KIF26B: variants seen among roughly 807,000 people sequenced by gnomAD.
The protein encoded by KIF26B is kinesin family member 26B.
Under a neutral mutation model 151.2 loss-of-function variants are expected in KIF26B, and 63 were observed. The observed-to-expected ratio is 0.42, with a 90% CI of 0.34 to 0.51. The LOEUF (loss-of-function observed/expected upper bound fraction) is 0.51, where lower values mean the gene tolerates loss of function less well. KIF26B is among the 20% of genes least tolerant of loss of function. The probability of loss-of-function intolerance (pLI) is 0.07; values close to 1 mark genes in which losing one functional copy is unlikely to be tolerated. For synonymous variants in KIF26B, 1,357 were observed against 1,262.1 expected (o/e 1.08, Z -1.59); for missense variants, 2,813 against 2,913.6 (o/e 0.97, Z 0.79).
Position 245,707,119 on chromosome 1 carries a change from AAAT to A in KIF26B, c.*4514_*4516del, listed in dbSNP as rs1445178550. The A allele has an allele frequency of 6.6e-6, 1 of 152,194 alleles. No individual in the cohort carries two copies. The highest frequency in any genetic ancestry group is 2.4e-5 in the African/African-American group (1 of 41,434). 9.4% of individuals were successfully genotyped at this position (152,194 alleles called of 1,614,324 possible). The stretch of plus-strand genomic sequence containing the variant: ...GTCATTTAAGCTCATCTTCTCAAAA[AAAT>A]TTTTTCTGAAAATTCCTGGAAACTA... On this transcript the variant is annotated 3_prime_UTR_variant, in exon 15 of 15. Coordinates refer to ENST00000407071, the MANE Select transcript of KIF26B (RefSeq NM_018012.4).
chr1:245,182,436 AC>A (rs1384894449), intron 2 of KIF26B, among the ~76,000 whole-genome samples: 1 of 152,088 alleles, frequency 6.6e-6, no homozygotes, highest in Non-Finnish European at 1.5e-5. Context: ...GTAATATTCC[AC>A]TGTATAAACA....
chr1:245,290,244 T>C (rs1671234135), intron 2 of KIF26B, among the ~76,000 whole-genome samples: 1 of 152,188 alleles, frequency 6.6e-6, no homozygotes, highest in Admixed American at 6.5e-5. Flanking sequence ...TATACCTTAC[T>C]CATGTCTGCA....
At chr1:245,289,812 C>T (rs1187923285) in intron 2 of KIF26B, among the ~76,000 whole-genome samples, 2 of 152,180 alleles carry the variant, frequency 1.3e-5, no homozygotes, top group Non-Finnish European at 2.9e-5. Context: ...GGAAACAATA[C>T]ATGTTATCCT....
At position 245,540,781 on chromosome 1, in the gene KIF26B, T is replaced by C; in HGVS notation, c.1181T>C (p.Leu394Ser). Residue 394 changes from leucine to serine, a missense_variant, in exon 5 of 15, where the codon TTA becomes TCA. This residue lies in a region of KIF26B where 676 missense variants were observed against 688.1 expected (regional missense o/e 0.98). Transcript: ENST00000407071. The surrounding 1 kb of genome is among the most constrained non-coding windows in gnomAD (Gnocchi z 4.6). ...ASFFARAAQKLNLSSKKKKHR... is the reference protein window; with the variant it reads ...ASFFARAAQKSNLSSKKKKHR... Reference sequence around the variant, plus strand: ...TTCCACTCCAGAGCTGCCCAGAAGTTAAATCTGTCTTCTAAAAAGAAGAAA... The same window carrying C: ...TTCCACTCCAGAGCTGCCCAGAAGTCAAATCTGTCTTCTAAAAAGAAGAAA... 6.2e-7 allele frequency: 1 copy of C among 1,613,914 alleles called. No individual in the cohort carries two copies. The highest frequency in any genetic ancestry group is 8.5e-7 in the Non-Finnish European group (1 of 1,179,820).
At chr1:245,515,320 A>G (rs1660936845) in intron 4 of KIF26B, among the ~76,000 whole-genome samples, 2 of 151,962 alleles carry the variant, frequency 1.3e-5, no homozygotes, top group East Asian at 1.9e-4. Flanking sequence ...TGGCACCTAC[A>G]TCTCTCCACG....
intron 3 of KIF26B, among the ~76,000 whole-genome samples, chr1:245,398,446 T>G (rs1449648299): frequency 6.6e-6 from 1 of 152,120 alleles, no homozygotes; most frequent in African/African-American, 2.4e-5. Context: ...TGGCAGAGAC[T>G]CCTCCTGTAT....
chr1:245,484,126 C>T (rs1323098274), intron 4 of KIF26B, among the ~76,000 whole-genome samples: 1 of 151,740 alleles, frequency 6.6e-6, no homozygotes, highest in Non-Finnish European at 1.5e-5. Flanking sequence ...CTGCTTACAC[C>T]TCAAAGATGT....
At chr1:245,581,684 C>T (rs967847070) in intron 5 of KIF26B, among the ~76,000 whole-genome samples, 4 of 152,128 alleles carry the variant, frequency 2.6e-5, no homozygotes, top group Admixed American at 2.0e-4. Context: ...GTGGATGCTA[C>T]GCTGGCTTCA....
At chr1:245,255,859 C>G (rs1306773014) in intron 2 of KIF26B, among the ~76,000 whole-genome samples, 1 of 152,132 alleles carries the variant, frequency 6.6e-6, no homozygotes, top group African/African-American at 2.4e-5. Flanking sequence ...CAGAGAGTAG[C>G]AATTTCTAAA....
At chr1:245,255,506 G>A (rs1382756427) in intron 2 of KIF26B, among the ~76,000 whole-genome samples, 1 of 152,176 alleles carries the variant, frequency 6.6e-6, no homozygotes, top group Non-Finnish European at 1.5e-5. Context: ...ATTTTCACAT[G>A]CTCATTCTCA....
chr1:245,535,676 C>T (rs899754559), intron 4 of KIF26B, among the ~76,000 whole-genome samples: 1 of 152,212 alleles, frequency 6.6e-6, no homozygotes, highest in African/African-American at 2.4e-5. Context: ...GTCGCTTATA[C>T]TTATCAAGCT....
intron 2 of KIF26B, among the ~76,000 whole-genome samples, chr1:245,306,125 A>G (rs567352193): frequency 1.4e-4 from 21 of 152,316 alleles, no homozygotes; most frequent in Non-Finnish European, 2.5e-4. Flanking sequence ...TATTCATAAT[A>G]GCCCCCAAAT....
chr1:245,189,789 A>G (rs1669065008), intron 2 of KIF26B, among the ~76,000 whole-genome samples: 1 of 152,246 alleles, frequency 6.6e-6, no homozygotes, highest in Non-Finnish European at 1.5e-5. Context: ...GACACACATG[A>G]GACTGGGTAA....
At chr1:245,278,022 G>A (rs1670969417) in intron 2 of KIF26B, among the ~76,000 whole-genome samples, 1 of 152,150 alleles carries the variant, frequency 6.6e-6, no homozygotes, top group East Asian at 1.9e-4. Flanking sequence ...GAAGGGGTGG[G>A]GTGAAGTTAT....
chr1:245,375,189 C>G lies in KIF26B; in HGVS notation c.999+7822C>G, dbSNP rs1452095806. ...GCAACCTCCACCTCCCAGGTTCAAG[C>G]GATTCTCCTGCCTCAACCTCGGGAT... On this transcript the variant is annotated intron_variant, in intron 3 of 14. Coordinates refer to ENST00000407071, the MANE Select transcript of KIF26B (RefSeq NM_018012.4). The surrounding 1 kb of genome is among the most constrained non-coding windows in gnomAD (Gnocchi z 4.2). Among the ~76,000 whole-genome samples the G allele has an allele frequency of 1.3e-5, 2 of 152,112 alleles. No individual in the cohort carries two copies. The highest frequency in any genetic ancestry group is 2.1e-4 in the South Asian group (1 of 4,820).
intron 2 of KIF26B, among the ~76,000 whole-genome samples, chr1:245,240,351 A>G (rs1221297268): frequency 4.6e-5 from 7 of 152,198 alleles, no homozygotes; most frequent in Non-Finnish European, 1.0e-4. Context: ...TGGGTTGATC[A>G]GTCGCACCTT....
intron 9 of KIF26B, among the ~76,000 whole-genome samples, chr1:245,643,480 A>G (rs897929425): frequency 3.1e-4 from 47 of 152,348 alleles, no homozygotes; most frequent in African/African-American, 1.1e-3. Flanking sequence ...AAACCTTACA[A>G]TAGTATACTT....
chr1:245,236,436 A>G (rs1194048701), intron 2 of KIF26B, among the ~76,000 whole-genome samples: 1 of 152,238 alleles, frequency 6.6e-6, no homozygotes. Flanking sequence ...TATTGCGTAT[A>G]AAATGGCTTA....
Position 245,512,561 on chromosome 1 carries a change from A to G in KIF26B, c.1167-28206A>G, listed in dbSNP as rs573783587. On this transcript the variant is annotated intron_variant, in intron 4 of 14. Transcript: ENST00000407071. This position sits in a 1 kb window ranked among gnomAD's most constrained non-coding sequence, Gnocchi z 4.3. ...GTTTAACATCATCAAGGGCTGTAGC[A>G]CTGGGCACCCGAGGGGATCAGCCTA... 1.9e-4 allele frequency among the ~76,000 whole-genome samples: 29 copies of G among 152,330 alleles called. No individual in the cohort carries two copies. In the South Asian group the frequency reaches 5.8e-3, roughly 30 times the overall value.
Sources: allele counts gnomAD v4.1 joint callset (sites outside exome capture counted in the v4.1 genomes callset), GRCh38; gene constraint gnomAD v4.1.1; regional missense constraint gnomAD v4.1.1; non-coding constraint Gnocchi (gnomAD v3.1); transcripts MANE v1.5; gene names NCBI Gene and HGNC (gene_info 2026-07-23, HGNC 2026-07-21).